The following EXTL2 variants were observed in gnomAD, a reference collection of about 807,000 sequenced individuals.
The protein encoded by EXTL2 is exostosin like glycosyltransferase 2.
In EXTL2, 23 loss-of-function variants were observed where a neutral mutation model predicts 30.7. That is an observed-to-expected ratio of 0.75 (90% CI 0.54 to 1.06). The LOEUF (loss-of-function observed/expected upper bound fraction) is 1.06, where lower values mean the gene tolerates loss of function less well. Among genes scored for constraint, EXTL2 ranks in the 50% least tolerant of loss-of-function variants. The pLI is 0.00. For missense variants in EXTL2, 352 were observed against 396.3 expected, an observed-to-expected ratio of 0.89 and a Z score of 0.95; for synonymous variants, 123 against 133.8, an observed-to-expected ratio of 0.92 and a Z score of 0.56.
intron 1 of EXTL2, among the ~76,000 whole-genome samples, chr1:100,890,965 T>C (rs1650377822): frequency 6.6e-6 from 1 of 152,234 alleles, no homozygotes; most frequent in South Asian, 2.1e-4. Context: ...GCTGAGGTGC[T>C]TGCTGAAAGC....
chr1:100,890,225 A>G (rs1287006125), intron 1 of EXTL2, among the ~76,000 whole-genome samples: 1 of 152,198 alleles, frequency 6.6e-6, no homozygotes, highest in Non-Finnish European at 1.5e-5. Context: ...CTCTGAAACA[A>G]TGTCCTGAGC....
At chr1:100,893,787 C>T (rs761617597) in intron 1 of EXTL2, among the ~76,000 whole-genome samples, 4 of 152,100 alleles carry the variant, frequency 2.6e-5, no homozygotes, top group Non-Finnish European at 4.4e-5. Context: ...TAAATTTGGT[C>T]ATTATGCTCT....
At position 100,877,296 on chromosome 1, in the gene EXTL2, G is replaced by T. The variant is rs1055833967; in HGVS notation, c.433+180C>A. On this transcript the variant is annotated intron_variant, in intron 3 of 4. Transcript: ENST00000370114. The surrounding 1 kb of genome is among the most constrained non-coding windows in gnomAD (Gnocchi z 4.1). Reference sequence around the variant, plus strand: ...CCTTTATTACAATATTAACCTCTTCGCCAGGAAACCACTTCTTGACATCTT... The same window carrying T: ...CCTTTATTACAATATTAACCTCTTCTCCAGGAAACCACTTCTTGACATCTT... Among the ~76,000 whole-genome samples, 1 of 152,068 alleles carries T rather than the reference G, an allele frequency of 6.6e-6. No homozygotes were observed. The highest frequency in any genetic ancestry group is 2.1e-4 in the South Asian group (1 of 4,814).
intron 2 of EXTL2, among the ~76,000 whole-genome samples, chr1:100,887,329 C>G (rs941097354): frequency 7.2e-5 from 11 of 152,284 alleles, no homozygotes; most frequent in Non-Finnish European, 1.3e-4. Context: ...GAAGCAATCC[C>G]ACTTCATGTG....
chr1:100,891,296 C>T (rs566081688), intron 1 of EXTL2, among the ~76,000 whole-genome samples: 18 of 152,122 alleles, frequency 1.2e-4, no homozygotes, highest in African/African-American at 3.1e-4. Flanking sequence ...TAATTATGAC[C>T]GTATTATTGT....
chr1:100,891,081 C>G (rs1322049127), intron 1 of EXTL2, among the ~76,000 whole-genome samples: 1 of 152,194 alleles, frequency 6.6e-6, no homozygotes, highest in Non-Finnish European at 1.5e-5. Flanking sequence ...AGTTTTCCTC[C>G]TTATTTTGTT....
Position 100,877,990 on chromosome 1 carries a change from T to C in EXTL2, c.6-87A>G, listed in dbSNP as rs976404670. On this transcript the variant is annotated intron_variant, in intron 2 of 4. Coordinates refer to ENST00000370114, the MANE Select transcript of EXTL2 (RefSeq NM_001033025.3). The surrounding 1 kb of genome is among the most constrained non-coding windows in gnomAD (Gnocchi z 4.1). ...TGTTTTTTTCCAATGAGGAAAGATA[T>C]CAATCTTATTTTAGTTGATTCAAAT... 133 of 1,002,816 alleles carry C rather than the reference T, an allele frequency of 1.3e-4. 1 individual carries two copies. The highest frequency in any genetic ancestry group is 7.2e-4 in the South Asian group (43 of 59,944). The allele number at this position is 1,002,816 out of a possible 1,614,324, so 62.1% of individuals were successfully genotyped here.
At position 100,874,425 on chromosome 1, in the gene EXTL2, A is replaced by C; in HGVS notation, c.510T>G (p.Phe170Leu). 1 of 1,578,204 alleles carries C rather than the reference A, an allele frequency of 6.3e-7. No individual in the cohort carries two copies. Among genetic ancestry groups the C allele is most frequent in the South Asian group, 1.2e-5 (1 of 85,588 alleles). ...GAACAAATCCTACAATTTGATCAGG[A>C]AATTGCTGAAAAGAGGGAAAAAGAA... Reference protein sequence around the residue: ...LVFAFSVWQQFPDQIVGFVPR... With the variant: ...LVFAFSVWQQLPDQIVGFVPR... The change falls in exon 5 of 5, where the codon TTT becomes TTG. Residue 170 changes from phenylalanine (F) to leucine (L), a missense_variant. By Grantham distance (22) the Phe-to-Leu change is conservative (BLOSUM62 0). Coordinates refer to ENST00000370114, the MANE Select transcript of EXTL2 (RefSeq NM_001033025.3).
rs1648785697 is a variant in EXTL2, at chr1:100,872,611, T to C, written c.*1331A>G. On this transcript the variant is annotated 3_prime_UTR_variant, in exon 5 of 5. Transcript: ENST00000370114. ...AACTAAATGCACAAAGACCTCATTATTGGAACATTAGCCATGATTATTTTA... is the reference window on the plus strand; with the variant it reads ...AACTAAATGCACAAAGACCTCATTACTGGAACATTAGCCATGATTATTTTA... 1 of 152,462 alleles carries C rather than the reference T, an allele frequency of 6.6e-6. No homozygotes were observed. The highest frequency in any genetic ancestry group is 2.1e-4 in the South Asian group (1 of 4,826). 9.4% of individuals were successfully genotyped at this position (152,462 alleles called of 1,614,324 possible).
chr1:100,885,268 A>G (rs1649870137), intron 2 of EXTL2, among the ~76,000 whole-genome samples: 1 of 152,184 alleles, frequency 6.6e-6, no homozygotes, highest in Non-Finnish European at 1.5e-5. Context: ...ATATTTGAAC[A>G]TCCCTGTTTC....
In EXTL2 at chr1:100,882,829, A is replaced by G. The variant is rs541036019; in HGVS notation, c.6-4926T>C. ...ACAGAGTGAGACTCTCATCTCATAA[A>G]AAAACAAAAAACAAAAAACACAACA... is the stretch of plus-strand genomic sequence containing the variant. On this transcript the variant is annotated intron_variant, in intron 2 of 4. Coordinates refer to ENST00000370114, the MANE Select transcript of EXTL2 (RefSeq NM_001033025.3). Among the ~76,000 whole-genome samples, 297 of 152,318 alleles carry G rather than the reference A, an allele frequency of 1.9e-3. 3 individuals are homozygous for G. Among genetic ancestry groups the G allele is most frequent in the African/African-American group, 6.8e-3 (281 of 41,560 alleles).
chr1:100,892,603 C>T (rs1285126660), intron 1 of EXTL2, among the ~76,000 whole-genome samples: 2 of 152,138 alleles, frequency 1.3e-5, no homozygotes, highest in South Asian at 2.1e-4. Context: ...TTTTCATATA[C>T]GCATCTATCC....
chr1:100,887,695 T>C (rs963524987), intron 2 of EXTL2, among the ~76,000 whole-genome samples: 4 of 152,028 alleles, frequency 2.6e-5, no homozygotes, highest in Non-Finnish European at 4.4e-5. Context: ...TTGAGCTACA[T>C]TGTATTTTCT....
At chr1:100,894,494 A>C (rs1022108660) in intron 1 of EXTL2, 139 bp downstream of exon 1, 8 of 152,232 alleles carry the variant, frequency 5.3e-5, no homozygotes, top group African/African-American at 1.7e-4. Flanking sequence ...TTGTAGAATA[A>C]GTACATATTT....
intron 2 of EXTL2, among the ~76,000 whole-genome samples, chr1:100,881,766 A>G (rs1475426957): frequency 1.3e-5 from 2 of 152,242 alleles, no homozygotes; most frequent in Non-Finnish European, 2.9e-5. Context: ...TTAATTCATT[A>G]GTTCTTTATA....
At chr1:100,889,258 T>C (rs1262544664) in intron 1 of EXTL2, among the ~76,000 whole-genome samples, 6 of 152,326 alleles carry the variant, frequency 3.9e-5, no homozygotes, top group Admixed American at 6.5e-5. Flanking sequence ...GCCACTTTTA[T>C]AACCATCAGA....
At position 100,876,881 on chromosome 1, in the gene EXTL2, A is replaced by C; in HGVS notation, c.434-17T>G. On this transcript the variant is annotated splice_polypyrimidine_tract_variant and intron_variant, in intron 3 of 4. Coordinates refer to ENST00000370114, the MANE Select transcript of EXTL2 (RefSeq NM_001033025.3). The stretch of plus-strand genomic sequence containing the variant: ...TCAACACTGCTAAAATGAAAGGACA[A>C]AAATTTAAGTTGAATAGTTCGGAAA... 1 of 1,582,242 alleles carries C rather than the reference A, an allele frequency of 6.3e-7. No individual in the cohort carries two copies. The highest frequency in any genetic ancestry group is 1.7e-5 in the Admixed American group (1 of 59,812).
In EXTL2 at chr1:100,877,387, C is replaced by T. The variant is rs1040547475; in HGVS notation, c.433+89G>A. On this transcript the variant is annotated intron_variant, in intron 3 of 4. Transcript: ENST00000370114. This position sits in a 1 kb window ranked among gnomAD's most constrained non-coding sequence, Gnocchi z 4.1. ...CTAACTTCCTTCATTTTTCTCCAGA[C>T]GGTTAAGCAGAAGGCCAGAAATTCA... 17 of 1,213,746 alleles carry T rather than the reference C, an allele frequency of 1.4e-5. No homozygotes were observed. Among genetic ancestry groups the T allele is most frequent in the South Asian group, 3.2e-5 (2 of 63,358 alleles). 75.2% of individuals were successfully genotyped at this position (1,213,746 alleles called of 1,614,324 possible). A position where few individuals can be genotyped will look rare whatever the true frequency, so the allele number is the denominator to read the frequency against.
At chr1:100,891,312 T>A (rs202030132) in intron 1 of EXTL2, among the ~76,000 whole-genome samples, 1 of 152,226 alleles carries the variant, frequency 6.6e-6, no homozygotes, top group Non-Finnish European at 1.5e-5. Context: ...ATTGTTTTTA[T>A]GTAAGCATGC....
Sources: gnomAD v4.1 joint callset for allele counts (sites outside exome capture counted in the v4.1 genomes callset) on GRCh38, gnomAD v4.1.1 for gene constraint, Gnocchi (gnomAD v3.1) non-coding constraint, MANE v1.5 for transcripts, NCBI Gene and HGNC (gene_info 2026-07-23, HGNC 2026-07-21) for gene names.